The following BLTP2 variants were observed in gnomAD, a reference collection of about 807,000 sequenced individuals.
The protein encoded by BLTP2 is bridge-like lipid transfer protein family member 2.
At chr17:28,643,694 C>G in the BLTP2 span, 4 of 1,605,016 alleles carry the variant, frequency 2.5e-6, no homozygotes, top group Non-Finnish European at 3.4e-6. Flanking sequence ...TGTGTGCTAG[C>G]TGCTAAATAA....
the BLTP2 span, chr17:28,623,836 AG>A: frequency 6.2e-7 from 1 of 1,614,208 alleles, no homozygotes; most frequent in Non-Finnish European, 8.5e-7. Context: ...GCCATCCAAG[AG>A]GCAAGTCCAG....
the BLTP2 span, chr17:28,639,274 A>G: frequency 6.2e-7 from 1 of 1,609,778 alleles, no homozygotes; most frequent in Admixed American, 1.7e-5. Context: ...ATCCCAGAGA[A>G]TCCAACTGAC....
the BLTP2 span, among the ~76,000 whole-genome samples, chr17:28,617,898 G>A: frequency 6.6e-6 from 1 of 151,524 alleles, no homozygotes; most frequent in African/African-American, 2.4e-5. Context: ...TGAGTAGCTG[G>A]GCTTACAGGC....
At chr17:28,645,065 G>C in the BLTP2 span, 1 of 1,589,634 alleles carries the variant, frequency 6.3e-7, no homozygotes, top group Non-Finnish European at 8.6e-7. Flanking sequence ...ATTTAGGTCC[G>C]GGTCCGGCCC....
At chr17:28,639,351 C>G in the BLTP2 span, 76 of 1,614,016 alleles carry the variant, frequency 4.7e-5, no homozygotes, top group African/African-American at 8.1e-4. Context: ...TGAACTAGAC[C>G]CTTGGGTTTC....
chr17:28,620,678 A>C, the BLTP2 span: 1 of 1,602,306 alleles, frequency 6.2e-7, no homozygotes, highest in East Asian at 2.2e-5. Flanking sequence ...TTCTACCTAA[A>C]TATCTACTCC....
the BLTP2 span, chr17:28,631,595 C>T: frequency 2.5e-6 from 4 of 1,613,934 alleles, no homozygotes; most frequent in Non-Finnish European, 3.4e-6. Context: ...GTGGGTGAGG[C>T]CATCAGGTGA....
chr17:28,639,854 T>C, the BLTP2 span: 14 of 1,608,010 alleles, frequency 8.7e-6, no homozygotes, highest in Non-Finnish European at 1.0e-5. Flanking sequence ...AAAGAGAGTA[T>C]CTAGTCCTCC....
At chr17:28,644,219 C>G in the BLTP2 span, 1 of 1,605,174 alleles carries the variant, frequency 6.2e-7, no homozygotes, top group South Asian at 1.1e-5. Context: ...TTCATAGGAC[C>G]TTTTTCCAAT....
At chr17:28,643,654 A>C in the BLTP2 span, 1 of 1,614,088 alleles carries the variant, frequency 6.2e-7, no homozygotes, top group Admixed American at 1.7e-5. Flanking sequence ...ACAGGTTATC[A>C]ATTTCCTAAA....
At chr17:28,640,606 T>G in the BLTP2 span, 2 of 1,614,184 alleles carry the variant, frequency 1.2e-6, no homozygotes, top group Non-Finnish European at 1.7e-6. Flanking sequence ...TTCTCCATCT[T>G]AACCTTGACC....
the BLTP2 span, chr17:28,615,816 G>C: frequency 4.3e-5 from 69 of 1,609,112 alleles, no homozygotes; most frequent in Non-Finnish European, 5.7e-5. Context: ...AGGAGGGGGA[G>C]GGGAAAGAAA....
the BLTP2 span, chr17:28,644,865 A>C: frequency 1.1e-3 from 562 of 516,164 alleles, no homozygotes; most frequent in South Asian, 1.7e-3. Flanking sequence ...CCCTCCCTCC[A>C]CCCTACCCAC....
chr17:28,643,555 A>G, the BLTP2 span: 9 of 1,554,928 alleles, frequency 5.8e-6, no homozygotes, highest in Admixed American at 1.5e-4. Context: ...TCACTCTGCA[A>G]ACACCAACTC....
chr17:28,640,097 A>G, the BLTP2 span: 1 of 1,567,752 alleles, frequency 6.4e-7, no homozygotes, highest in Non-Finnish European at 8.6e-7. Context: ...TTATTTTTTA[A>G]AAGTAATTAT....
chr17:28,627,235 T>C, the BLTP2 span, among the ~76,000 whole-genome samples: 1 of 152,172 alleles, frequency 6.6e-6, no homozygotes, highest in African/African-American at 2.4e-5. Flanking sequence ...TTGAACGCAC[T>C]AGGCTTTCAA....
chr17:28,639,723 A>C, the BLTP2 span: 1 of 1,453,392 alleles, frequency 6.9e-7, no homozygotes, highest in Middle Eastern at 1.7e-4. Context: ...GAAGCCGGCA[A>C]AGGGATCAAC....
At chr17:28,644,996 G>A in the BLTP2 span, 63 of 1,586,884 alleles carry the variant, frequency 4.0e-5, 1 homozygote, top group East Asian at 1.0e-3. Flanking sequence ...CACCGGCCTA[G>A]AAAGAGGGCG....
At chr17:28,624,398 A>G in the BLTP2 span, 1 of 1,608,120 alleles carries the variant, frequency 6.2e-7, no homozygotes, top group Non-Finnish European at 8.5e-7. Context: ...CACCTGGCAG[A>G]GAAATAGGAA....
Sources: gnomAD v4.1 joint callset for allele counts (sites outside exome capture counted in the v4.1 genomes callset) on GRCh38, gnomAD v4.1.1 for gene constraint, MANE v1.5 for transcripts, NCBI Gene and HGNC (gene_info 2026-07-23, HGNC 2026-07-21) for gene names.